RASGRF1: variants seen among roughly 807,000 people sequenced by gnomAD.
RASGRF1 encodes the protein ras-specific guanine nucleotide-releasing factor 1.
In RASGRF1, 40 loss-of-function variants were observed where a neutral mutation model predicts 138.7. The ratio of observed to expected loss-of-function variants is 0.29; its 90% CI spans 0.22 to 0.38. The LOEUF (loss-of-function observed/expected upper bound fraction) is 0.38, where lower values mean the gene tolerates loss of function less well. Ranked by LOEUF, RASGRF1 falls within the 10% of genes least tolerant of loss-of-function variation. The probability of loss-of-function intolerance (pLI) is 1.00; values close to 1 mark genes in which losing one functional copy is unlikely to be tolerated. For synonymous variants in RASGRF1, 614 were observed against 663.2 expected (o/e 0.93, Z 1.14); for missense variants, 1,108 against 1,650.4 (o/e 0.67, Z 5.69).
At chr15:79,051,768 T>C (rs2057434074) in intron 3 of RASGRF1, among the ~76,000 whole-genome samples, 1 of 152,182 alleles carries the variant, frequency 6.6e-6, no homozygotes. Flanking sequence ...ACAAAAACTT[T>C]GGAGGCTTTA....
At chr15:79,064,354 T>TTGGGTC in intron 2 of RASGRF1, 66 bp downstream of exon 2, 1 of 1,485,106 alleles carries the variant, frequency 6.7e-7, no homozygotes, top group Non-Finnish European at 9.3e-7. Context: ...TCAAAGGCCC[T>TTGGGTC]TGGGTCTGGT....
At chr15:79,033,594 T>C (rs1180814725) in intron 6 of RASGRF1, among the ~76,000 whole-genome samples, 1 of 141,958 alleles carries the variant, frequency 7.0e-6, no homozygotes, top group African/African-American at 2.6e-5. Context: ...TTTTTTTTTT[T>C]TTTTTTTTGA....
At position 79,059,459 on chromosome 15, in the gene RASGRF1, C is replaced by G. The variant is rs73477328; in HGVS notation, c.384-978G>C. 4.2e-3 allele frequency among the ~76,000 whole-genome samples: 621 copies of G among 149,066 alleles called. 4 individuals carry two copies. The highest frequency in any genetic ancestry group is 0.015 in the African/African-American group (602 of 40,652). ...TTATCCTTCCCTATCCTTCTATCCC[C>G]CCTCGTGCAGGTGCAATCTTTACAG... On this transcript the variant is annotated intron_variant, in intron 2 of 26. Transcript: ENST00000558480.
At chr15:79,033,315 T>C (rs2057168528) in intron 6 of RASGRF1, among the ~76,000 whole-genome samples, 1 of 152,178 alleles carries the variant, frequency 6.6e-6, no homozygotes, top group Non-Finnish European at 1.5e-5. Context: ...CGGTCTCGGC[T>C]CACTGTAACC....
chr15:79,035,430 C>G (rs1161345354), intron 5 of RASGRF1, among the ~76,000 whole-genome samples: 1 of 152,222 alleles, frequency 6.6e-6, no homozygotes, highest in East Asian at 1.9e-4. Context: ...CTAAGCATTC[C>G]CAGATGGTGA....
intron 3 of RASGRF1, 109 bp downstream of exon 3, chr15:79,058,225 A>G: frequency 6.7e-7 from 1 of 1,484,442 alleles, no homozygotes; most frequent in South Asian, 1.3e-5. Flanking sequence ...GAAGAACTGC[A>G]TCTGGGAGCT....
chr15:78,966,953 T>C (rs1428693381), intron 26 of RASGRF1, among the ~76,000 whole-genome samples: 1 of 152,174 alleles, frequency 6.6e-6, no homozygotes, highest in African/African-American at 2.4e-5. Flanking sequence ...TTTGGATATA[T>C]TGTATTAAAT....
At chr15:79,059,404 CT>C in intron 2 of RASGRF1, among the ~76,000 whole-genome samples, 1 of 149,484 alleles carries the variant, frequency 6.7e-6, no homozygotes, top group Non-Finnish European at 1.5e-5. Context: ...CTTCCCTTCC[CT>C]TCCCTTCCCT....
intron 3 of RASGRF1, among the ~76,000 whole-genome samples, chr15:79,056,052 C>T (rs1171284434): frequency 6.6e-6 from 1 of 152,176 alleles, no homozygotes; most frequent in African/African-American, 2.4e-5. Flanking sequence ...CAGCAGGGAG[C>T]ACCCTCTGAG....
chr15:79,070,322 G>A (rs762711949), intron 1 of RASGRF1, among the ~76,000 whole-genome samples: 1 of 152,182 alleles, frequency 6.6e-6, no homozygotes, highest in Non-Finnish European at 1.5e-5. Flanking sequence ...CTCCCCTGAC[G>A]GGGACAGAGC....
chr15:78,999,708 G>A, intron 17 of RASGRF1, 35 bp downstream of exon 17: 1 of 1,603,632 alleles, frequency 6.2e-7, no homozygotes, highest in Non-Finnish European at 8.5e-7. Context: ...GCTGACCATG[G>A]GGAGGACCCT....
chr15:79,079,902 C>A (rs1389918489), intron 1 of RASGRF1, among the ~76,000 whole-genome samples: 1 of 152,252 alleles, frequency 6.6e-6, no homozygotes, highest in African/African-American at 2.4e-5. Context: ...CCAGGACACA[C>A]CTCCCTGGGA....
In RASGRF1 at chr15:78,973,630, A is replaced by T. The variant is rs1338852863; in HGVS notation, c.3495-210T>A. On this transcript the variant is annotated intron_variant, in intron 24 of 26. Transcript: ENST00000558480. This position sits in a 1 kb window ranked among gnomAD's most constrained non-coding sequence, Gnocchi z 4.9. ...CCAGTCCTCTGGGGTGGTGGGGGCA[A>T]CATGGTGCTGACTGGGGCCTCTTAC... is the stretch of plus-strand genomic sequence containing the variant. Among the ~76,000 whole-genome samples, 2 of 152,042 alleles carry T rather than the reference A, an allele frequency of 1.3e-5. No individual in the cohort carries two copies. The highest frequency in any genetic ancestry group is 2.9e-5 in the Non-Finnish European group (2 of 67,996).
At position 79,090,311 on chromosome 15, in the gene RASGRF1, G is replaced by A. The variant is rs1257803290; in HGVS notation, c.188C>T (p.Ser63Leu). ...GCAGCCCTCCAGCAGGTAAAGCCCCGAGGGCCGCGAGCTCGAGTCGCTCTC... is the reference window on the plus strand; with the variant it reads ...GCAGCCCTCCAGCAGGTAAAGCCCCAAGGGCCGCGAGCTCGAGTCGCTCTC... ...YFESDSSSRP[S>L]GLYLLEGCVC... The change falls in exon 1 of 27, where the codon TCG becomes TTG. Residue 63 changes from serine (S) to leucine (L), a missense_variant. Around this residue, in one of 3 missense-constraint regions of RASGRF1, gnomAD observed 253 missense variants for 329.5 expected, o/e 0.77. Coordinates refer to ENST00000558480, the MANE Select transcript of RASGRF1 (RefSeq NM_001145648.3). 3 of 1,613,728 alleles carry A rather than the reference G, an allele frequency of 1.9e-6. No individual in the cohort carries two copies. The East Asian group carries it at 6.7e-5, about 36-fold the overall frequency.
intron 1 of RASGRF1, among the ~76,000 whole-genome samples, chr15:79,065,491 GT>G (rs2057666950): frequency 6.6e-6 from 1 of 152,042 alleles, no homozygotes; most frequent in South Asian, 2.1e-4. Flanking sequence ...CAGGTTTCAG[GT>G]TTGAGCAACT....
intron 1 of RASGRF1, among the ~76,000 whole-genome samples, chr15:79,080,508 T>C (rs1237246915): frequency 6.6e-6 from 1 of 152,262 alleles, no homozygotes; most frequent in Non-Finnish European, 1.5e-5. Flanking sequence ...GTTGATTATA[T>C]TTCACTCATA....
At chr15:79,039,200 T>C (rs1419872180) in intron 5 of RASGRF1, among the ~76,000 whole-genome samples, 4 of 145,126 alleles carry the variant, frequency 2.8e-5, no homozygotes, top group African/African-American at 7.7e-5. Flanking sequence ...ACTAAGGAGG[T>C]TGAGAGGGTG....
intron 8 of RASGRF1, among the ~76,000 whole-genome samples, chr15:79,029,872 A>G (rs564993130): frequency 6.6e-6 from 1 of 152,284 alleles, no homozygotes; most frequent in Admixed American, 6.5e-5. Flanking sequence ...TCAGGGTCTT[A>G]TGTCAAATAC....
At chr15:79,049,610 G>A (rs2057402518) in intron 3 of RASGRF1, 22 bp from the exon 4 acceptor site, 6 of 1,600,414 alleles carry the variant, frequency 3.7e-6, no homozygotes, top group African/African-American at 1.3e-5. Context: ...ACACAGGTCA[G>A]CCTGTGAGGG....
Sources: gnomAD v4.1 joint callset for allele counts (sites outside exome capture counted in the v4.1 genomes callset) on GRCh38, gnomAD v4.1.1 for gene constraint, gnomAD v4.1.1 regional missense constraint, Gnocchi (gnomAD v3.1) non-coding constraint, MANE v1.5 for transcripts, NCBI Gene and HGNC (gene_info 2026-07-23, HGNC 2026-07-21) for gene names.